Variants in COA1 observed in about 807,000 individuals in gnomAD.
COA1 encodes cytochrome c oxidase assembly factor 1, also known as cytochrome c oxidase assembly factor 1 homolog.
Under a neutral mutation model 16.0 loss-of-function variants are expected in COA1, and 13 were observed. That is an observed-to-expected ratio of 0.81 (90% CI 0.53 to 1.29). COA1 has a LOEUF of 1.29. Among genes scored for constraint, COA1 ranks in the 50% most tolerant of loss-of-function variants. COA1 has a pLI of 0.00. For missense variants in COA1, 179 were observed against 177.0 expected (o/e 1.01, Z -0.06); for synonymous variants, 65 against 65.7 (o/e 0.99, Z 0.05).
chr7:43,700,013 T>C (rs1184038385), intron 1 of COA1, among the ~76,000 whole-genome samples: 1 of 152,132 alleles, frequency 6.6e-6, no homozygotes, highest in East Asian at 1.9e-4. Flanking sequence ...TCAACCTCTT[T>C]AGTGTCCTCG....
chr7:43,625,008 A>G, intron 6 of COA1: 1 of 583,512 alleles, frequency 1.7e-6, no homozygotes. Context: ...GCCAGATTTT[A>G]AAAGTTGCCA....
At chr7:43,670,727 T>A (rs2093208760) in intron 1 of COA1, among the ~76,000 whole-genome samples, 1 of 152,200 alleles carries the variant, frequency 6.6e-6, no homozygotes, top group Non-Finnish European at 1.5e-5. Flanking sequence ...TATACTTTTA[T>A]CCTTCTCTAA....
At position 43,697,177 on chromosome 7, in the gene COA1, T is replaced by C. The variant is rs2094557280; in HGVS notation, c.-39+32252A>G. On this transcript the variant is annotated intron_variant, in intron 1 of 5. Coordinates refer to ENST00000223336, the MANE Select transcript of COA1 (RefSeq NM_018224.4). ...GAAAAGCCTGGCAAATATGTAAAAA[T>C]ATAAGAATCTGATATCAGTAAATGA... 1.3e-5 allele frequency among the ~76,000 whole-genome samples: 2 copies of C among 151,976 alleles called. 1 individual carries two copies. The highest frequency in any genetic ancestry group is 4.1e-4 in the South Asian group (2 of 4,826).
At chr7:43,702,354 C>CT (rs2094780544) in intron 1 of COA1, among the ~76,000 whole-genome samples, 1 of 152,156 alleles carries the variant, frequency 6.6e-6, no homozygotes, top group Non-Finnish European at 1.5e-5. Context: ...ATAGGGGACT[C>CT]TTTTCCCCAT....
chr7:43,628,208 T>C (rs1209565822), intron 6 of COA1, among the ~76,000 whole-genome samples: 1 of 152,112 alleles, frequency 6.6e-6, no homozygotes. Flanking sequence ...GTCAAGCTGG[T>C]CTCGAACTCC....
In COA1 at chr7:43,639,701, T is replaced by C. The variant is rs2086569650; in HGVS notation, c.342-20A>G. Reference sequence around the variant, plus strand: ...TGCCACCTGAGAGAAACCAAAAGTATAGTATCTCTAATCTATGAAGGCTGA... The same window carrying C: ...TGCCACCTGAGAGAAACCAAAAGTACAGTATCTCTAATCTATGAAGGCTGA... On this transcript the variant is annotated intron_variant, in intron 5 of 5. Transcript: ENST00000223336. The C allele has an allele frequency of 6.3e-7, 1 of 1,586,890 alleles. No homozygotes were observed. Among genetic ancestry groups the C allele is most frequent in the Non-Finnish European group, 8.7e-7 (1 of 1,155,760 alleles).
At chr7:43,640,138 T>C (rs1024040918) in intron 5 of COA1, among the ~76,000 whole-genome samples, 2 of 151,998 alleles carry the variant, frequency 1.3e-5, no homozygotes, top group Admixed American at 6.5e-5. Flanking sequence ...GTGGGGGAAG[T>C]GAGTGGATGT....
intron 1 of COA1, among the ~76,000 whole-genome samples, chr7:43,687,992 C>T (rs1446971332): frequency 6.6e-6 from 1 of 152,212 alleles, no homozygotes; most frequent in Admixed American, 6.5e-5. Context: ...GAATAAGTCT[C>T]ACGAGCTCTG....
chr7:43,614,148 G>T (rs2083129716), intron 6 of COA1, among the ~76,000 whole-genome samples: 1 of 152,108 alleles, frequency 6.6e-6, no homozygotes, highest in African/African-American at 2.4e-5. Context: ...ACTTTACAAT[G>T]ATCTTAGCCG....
chr7:43,713,314 G>C (rs1023872132), intron 1 of COA1, among the ~76,000 whole-genome samples: 1 of 152,028 alleles, frequency 6.6e-6, no homozygotes, highest in Non-Finnish European at 1.5e-5. Context: ...ATCATCTCAC[G>C]CACTTATCAC....
intron 1 of COA1, chr7:43,711,516 A>G (rs1471463639): frequency 6.6e-6 from 1 of 152,190 alleles, no homozygotes; most frequent in South Asian, 2.1e-4. Context: ...AAAAGGTGGG[A>G]ATCTGCTTTT....
chr7:43,641,537 C>T (rs4724238), intron 4 of COA1: 123,064 of 152,172 alleles, frequency 0.81, 49,984 homozygotes, highest in African/African-American at 0.87. Context: ...AAATTTTTCA[C>T]AATAAAATAC....
chr7:43,639,798 CATT>C, intron 5 of COA1, 117 bp from the exon 6 acceptor site: 1 of 713,586 alleles, frequency 1.4e-6, no homozygotes, highest in Non-Finnish European at 2.3e-6. Context: ...TTTTTTTAAA[CATT>C]ATTTTGTGCG....
intron 1 of COA1, among the ~76,000 whole-genome samples, chr7:43,728,280 T>C (rs531486791): frequency 6.6e-6 from 1 of 152,294 alleles, no homozygotes; most frequent in East Asian, 1.9e-4. Context: ...TTTTAAATGG[T>C]GAACTCTACG....
intron 1 of COA1, among the ~76,000 whole-genome samples, chr7:43,725,613 C>T (rs1229707470): frequency 1.3e-5 from 2 of 152,118 alleles, no homozygotes; most frequent in Admixed American, 6.6e-5. Context: ...AACCCCAGCA[C>T]TTTAGGAGGC....
intron 1 of COA1, among the ~76,000 whole-genome samples, chr7:43,686,353 C>T (rs1418286641): frequency 1.4e-5 from 2 of 142,072 alleles, no homozygotes; most frequent in South Asian, 2.2e-4. Context: ...GTCGCCCAGG[C>T]GGGAGTGCTG....
At chr7:43,690,893 CAAG>C (rs1315663102) in intron 1 of COA1, among the ~76,000 whole-genome samples, 1 of 151,320 alleles carries the variant, frequency 6.6e-6, no homozygotes, top group Non-Finnish European at 1.5e-5. Context: ...ATGGACAGTG[CAAG>C]AAGGAGGGCC....
intron 1 of COA1, among the ~76,000 whole-genome samples, chr7:43,651,008 A>C (rs1226770886): frequency 6.6e-6 from 1 of 152,054 alleles, no homozygotes; most frequent in Non-Finnish European, 1.5e-5. Context: ...CTTTTCAACT[A>C]GCTTCAGTTT....
chr7:43,687,520 C>T (rs923925909), intron 1 of COA1, among the ~76,000 whole-genome samples: 4 of 152,140 alleles, frequency 2.6e-5, no homozygotes, highest in African/African-American at 9.7e-5. Flanking sequence ...GTGAAATCTA[C>T]ACTCCCAAAT....
Sources: allele counts gnomAD v4.1 joint callset (sites outside exome capture counted in the v4.1 genomes callset), GRCh38; gene constraint gnomAD v4.1.1; transcripts MANE v1.5; gene names NCBI Gene and HGNC (gene_info 2026-07-23, HGNC 2026-07-21).